The following PCDH7 variants were observed in gnomAD, a reference collection of about 807,000 sequenced individuals.
PCDH7 encodes the protein protocadherin 7.
Under a neutral mutation model 58.9 loss-of-function variants are expected in PCDH7, and 17 were observed. The ratio of observed to expected loss-of-function variants is 0.29; its 90% CI spans 0.20 to 0.43. PCDH7 has a LOEUF of 0.43. Among genes scored for constraint, PCDH7 ranks in the 20% least tolerant of loss-of-function variants. The probability of loss-of-function intolerance (pLI) is 1.00; values close to 1 mark genes in which losing one functional copy is unlikely to be tolerated. For missense variants in PCDH7, 1,274 were observed against 1,441.0 expected (o/e 0.88, Z 1.88); for synonymous variants, 664 against 616.4 (o/e 1.08, Z -1.14).
exon 4 of PCDH7, chr4:31,142,577 G>A (rs924225339): frequency 7.3e-6 from 10 of 1,367,602 alleles, no homozygotes; most frequent in Non-Finnish European, 8.8e-6. Context: ...CACTTCTCCG[G>A]AGAGGAAGAA....
chr4:31,129,625 T>TTTG (rs1284990287), intron 3 of PCDH7, among the ~76,000 whole-genome samples: 3 of 152,038 alleles, frequency 2.0e-5, no homozygotes, highest in Non-Finnish European at 4.4e-5. Context: ...TTCTTTAAAT[T>TTTG]TTGTTATTAT....
chr4:31,095,889 C>T (rs979485142), intron 3 of PCDH7, among the ~76,000 whole-genome samples: 1 of 152,054 alleles, frequency 6.6e-6, no homozygotes, highest in African/African-American at 2.4e-5. Context: ...CTTTGTTATA[C>T]AAATAAGGTC....
At chr4:31,009,608 G>GT (rs576233848) in intron 3 of PCDH7, among the ~76,000 whole-genome samples, 274 of 151,786 alleles carry the variant, frequency 1.8e-3, no homozygotes, top group African/African-American at 5.4e-3. Flanking sequence ...ATTTTCAACT[G>GT]TTTTTTTGTT....
chr4:30,877,521 G>A (rs1246083038), intron 1 of PCDH7, among the ~76,000 whole-genome samples: 1 of 152,146 alleles, frequency 6.6e-6, no homozygotes, highest in East Asian at 1.9e-4. Flanking sequence ...TGAACTGAAG[G>A]AAAGGAGGCA....
At chr4:30,791,150 C>T (rs922105996) in intron 1 of PCDH7, among the ~76,000 whole-genome samples, 4 of 151,990 alleles carry the variant, frequency 2.6e-5, no homozygotes, top group South Asian at 2.1e-4. Context: ...GAACAGGGAG[C>T]GTTCACAGCC....
intron 1 of PCDH7, among the ~76,000 whole-genome samples, chr4:30,878,133 C>T (rs1736519741): frequency 6.6e-6 from 1 of 152,128 alleles, no homozygotes; most frequent in Non-Finnish European, 1.5e-5. Context: ...AATGTTATTT[C>T]TCTCACACAT....
intron 3 of PCDH7, among the ~76,000 whole-genome samples, chr4:31,003,496 T>G (rs1054665723): frequency 6.6e-6 from 1 of 152,124 alleles, no homozygotes; most frequent in African/African-American, 2.4e-5. Flanking sequence ...GGGATTTTGT[T>G]TTGGATTTTG....
chr4:30,831,173 C>T (rs1729727432), intron 1 of PCDH7, among the ~76,000 whole-genome samples: 1 of 152,112 alleles, frequency 6.6e-6, no homozygotes, highest in Non-Finnish European at 1.5e-5. Context: ...GATGCTTCCA[C>T]ATCCTCTCCA....
chr4:30,817,391 A>G (rs528446994), intron 1 of PCDH7, among the ~76,000 whole-genome samples: 2 of 152,246 alleles, frequency 1.3e-5, no homozygotes, highest in Admixed American at 1.3e-4. Context: ...TTTGGTTTTT[A>G]GATTTTAGTT....
downstream of PCDH7, among the ~76,000 whole-genome samples, chr4:30,736,368 A>G (rs2109243272): frequency 6.6e-6 from 1 of 152,284 alleles, no homozygotes; most frequent in Non-Finnish European, 1.5e-5. Context: ...TTTTAGCAAA[A>G]CAATAAAGAT....
chr4:30,875,191 C>T (rs956004283), intron 1 of PCDH7, among the ~76,000 whole-genome samples: 8 of 152,032 alleles, frequency 5.3e-5, no homozygotes, highest in African/African-American at 1.7e-4. Flanking sequence ...GGAGCTGTTC[C>T]GAACCTCTCT....
At chr4:30,972,342 G>C (rs1749666211) in intron 3 of PCDH7, among the ~76,000 whole-genome samples, 1 of 151,976 alleles carries the variant, frequency 6.6e-6, no homozygotes, top group South Asian at 2.1e-4. Context: ...TGATTTTTGT[G>C]TTTTTGTGTG....
At chr4:31,021,851 A>T (rs1754046068) in intron 3 of PCDH7, among the ~76,000 whole-genome samples, 1 of 152,190 alleles carries the variant, frequency 6.6e-6, no homozygotes, top group Non-Finnish European at 1.5e-5. Context: ...CTATGACAGA[A>T]GAAAATTCAC....
At chr4:31,041,062 C>A (rs1328126762) in intron 3 of PCDH7, among the ~76,000 whole-genome samples, 1 of 152,182 alleles carries the variant, frequency 6.6e-6, no homozygotes, top group African/African-American at 2.4e-5. Flanking sequence ...GCATTATAAT[C>A]TCCATCCTTA....
At chr4:31,016,893 G>C (rs1466607744) in intron 3 of PCDH7, among the ~76,000 whole-genome samples, 2 of 148,692 alleles carry the variant, frequency 1.3e-5, no homozygotes, top group Middle Eastern at 3.4e-3. Context: ...ATGTGTGTGT[G>C]CTGGGTGTGT....
rs559884358 is a variant in PCDH7 at position 31,128,291 on chromosome 4, A to G, written c.*8-14182A>G. ...GGGTCATGGCGCTCAGTTGAAAAGC[A>G]CTGATCTAAACTGTCCATGATTATA... On this transcript the variant is annotated intron_variant, in intron 3 of 3. Coordinates refer to the PCDH7 transcript ENST00000509759. Among the ~76,000 whole-genome samples, 13 of 152,172 alleles carry G rather than the reference A, an allele frequency of 8.5e-5. No homozygotes were observed. The East Asian group carries it at 1.4e-3, about 16-fold the overall frequency.
chr4:30,793,138 GA>G (rs1446504613), intron 1 of PCDH7, among the ~76,000 whole-genome samples: 2 of 152,092 alleles, frequency 1.3e-5, no homozygotes, highest in Non-Finnish European at 2.9e-5. Context: ...TTTTGATTGA[GA>G]AGTTTGTGAA....
intron 1 of PCDH7, among the ~76,000 whole-genome samples, chr4:30,887,955 A>C (rs1738052944): frequency 6.6e-6 from 1 of 151,174 alleles, no homozygotes; most frequent in Admixed American, 6.6e-5. Context: ...TGCTCACTGC[A>C]ACCTCTGCCT....
chr4:30,969,402 T>C (rs892437048), intron 3 of PCDH7, among the ~76,000 whole-genome samples: 13 of 152,184 alleles, frequency 8.5e-5, no homozygotes, highest in African/African-American at 3.1e-4. Context: ...AGTTCCTGTT[T>C]TGTGAACCTT....
Sources: allele counts gnomAD v4.1 joint callset (sites outside exome capture counted in the v4.1 genomes callset), GRCh38; gene constraint gnomAD v4.1.1; transcripts MANE v1.5; gene names NCBI Gene and HGNC (gene_info 2026-07-23, HGNC 2026-07-21).